MALRD1: variants seen among roughly 807,000 people sequenced by gnomAD.
MALRD1 encodes MAM and LDL-receptor class A domain-containing protein 1.
MALRD1 carries 247 observed loss-of-function variants against 242.1 expected under a neutral mutation model. The ratio of observed to expected loss-of-function variants is 1.02; its 90% CI spans 0.92 to 1.13. MALRD1 has a LOEUF of 1.13. Among genes scored for constraint, MALRD1 ranks in the 50% most tolerant of loss-of-function variants. The pLI, the probability that MALRD1 is intolerant of heterozygous loss-of-function variation, is 0.00. For missense variants in MALRD1, 2,989 were observed against 2,533.1 expected (o/e 1.18, Z -3.86); for synonymous variants, 995 against 866.6 (o/e 1.15, Z -2.60).
chr10:19,412,763 A>G (rs2130889336), intron 28 of MALRD1, among the ~76,000 whole-genome samples: 1 of 152,304 alleles, frequency 6.6e-6, no homozygotes, highest in Admixed American at 6.5e-5. Context: ...TCATCATTTC[A>G]CTACTGCTCC....
chr10:19,072,350 A>G (rs780213359), intron 2 of MALRD1, among the ~76,000 whole-genome samples: 2 of 152,322 alleles, frequency 1.3e-5, no homozygotes, highest in Non-Finnish European at 2.9e-5. Flanking sequence ...TACAAAATAC[A>G]TAAAGCATGG....
In MALRD1 at chr10:19,176,862, A is replaced by G. The variant is rs535356818; in HGVS notation, c.1951+1534A>G. Among the ~76,000 whole-genome samples the G allele has an allele frequency of 2.9e-4, 39 of 133,614 alleles. No individual in the cohort carries two copies. In the East Asian group the frequency reaches 7.1e-3, roughly 24 times the overall value. The allele number at this position is 133,614 out of a possible 152,430, so 87.7% of individuals were successfully genotyped here. A position where few individuals can be genotyped will look rare whatever the true frequency, so the allele number is the denominator to read the frequency against. On this transcript the variant is annotated intron_variant, in intron 14 of 39. Transcript: ENST00000454679. The stretch of plus-strand genomic sequence containing the variant: ...CCTGTGTGTCTGTGTGTGTGCGTGC[A>G]TGTGTGCATGTGTGTGTGTGTGTGT...
rs769031382 is a variant in MALRD1 at position 19,645,912 on chromosome 10, A to AT, written c.6137+29998dup. On this transcript the variant is annotated intron_variant, in intron 36 of 39. Coordinates refer to ENST00000454679, the MANE Select transcript of MALRD1 (RefSeq NM_001142308.3). ...AAAAGAAATGGATAGGAGTCAAATT[A>AT]TTTTTTTTTATTTTTAAATAGTAAA... Among the ~76,000 whole-genome samples, 379 of 151,772 alleles carry AT rather than the reference A, an allele frequency of 2.5e-3. 1 individual carries two copies. The highest frequency in any genetic ancestry group is 7.8e-3 in the African/African-American group (324 of 41,390).
intron 24 of MALRD1, among the ~76,000 whole-genome samples, chr10:19,340,565 G>A (rs1288558361): frequency 6.6e-6 from 1 of 151,990 alleles, no homozygotes; most frequent in Admixed American, 6.6e-5. Flanking sequence ...TATTTCATTG[G>A]CCATACAAAG....
intron 26 of MALRD1, among the ~76,000 whole-genome samples, chr10:19,383,269 G>T (rs1048460080): frequency 3.9e-5 from 6 of 151,936 alleles, no homozygotes; most frequent in African/African-American, 7.2e-5. Flanking sequence ...TGTCCTCAAA[G>T]TTTCACTCCC....
In MALRD1 at chr10:19,719,235, T is replaced by TAC. The variant is rs745328536; in HGVS notation, c.6315-11470_6315-11469insCA. 7.2e-4 allele frequency among the ~76,000 whole-genome samples: 84 copies of TAC among 116,220 alleles called. 4 individuals are homozygous for TAC. Among genetic ancestry groups the TAC allele is most frequent in the African/African-American group, 2.6e-3 (77 of 29,998 alleles). The allele number at this position is 116,220 out of a possible 152,430, so 76.2% of individuals were successfully genotyped here. On this transcript the variant is annotated intron_variant, in intron 38 of 39. Coordinates refer to ENST00000454679, the MANE Select transcript of MALRD1 (RefSeq NM_001142308.3). ...ATACACATACATACATATATATATA[T>TAC]ATATATATATATATATATATATATG...
chr10:19,470,292 T>C (rs1256753129), intron 29 of MALRD1, among the ~76,000 whole-genome samples: 1 of 152,032 alleles, frequency 6.6e-6, no homozygotes, highest in Non-Finnish European at 1.5e-5. Flanking sequence ...TTTTTCAAGG[T>C]TGAATAATAT....
chr10:19,335,805 AT>A (rs985780617), intron 24 of MALRD1, among the ~76,000 whole-genome samples: 75 of 151,060 alleles, frequency 5.0e-4, no homozygotes, highest in Middle Eastern at 3.4e-3. Context: ...TGGAGAAAAA[AT>A]TTTTTTTTAT....
At chr10:19,162,246 T>C (rs1834462343) in intron 12 of MALRD1, among the ~76,000 whole-genome samples, 1 of 152,218 alleles carries the variant, frequency 6.6e-6, no homozygotes, top group Non-Finnish European at 1.5e-5. Context: ...TAATGCCTTA[T>C]ACATTTTTTT....
intron 38 of MALRD1, among the ~76,000 whole-genome samples, chr10:19,714,440 C>A (rs555453101): frequency 6.6e-6 from 1 of 152,072 alleles, no homozygotes; most frequent in African/African-American, 2.4e-5. Context: ...TTCCTCTCGA[C>A]GTCCAGCTGC....
At chr10:19,712,254 C>T (rs1268695069) in intron 38 of MALRD1, among the ~76,000 whole-genome samples, 2 of 152,096 alleles carry the variant, frequency 1.3e-5, no homozygotes, top group Admixed American at 6.6e-5. Context: ...AGAGAAAGAT[C>T]ACTTTTAAGA....
At chr10:19,440,988 G>C (rs59959415) in intron 28 of MALRD1, among the ~76,000 whole-genome samples, 8,451 of 150,470 alleles carry the variant, frequency 0.056, 809 homozygotes, top group African/African-American at 0.2. Context: ...TTTTTCTCTA[G>C]ATCCTCTCCA....
At chr10:19,634,670 C>T (rs961909078) in intron 36 of MALRD1, among the ~76,000 whole-genome samples, 3 of 152,086 alleles carry the variant, frequency 2.0e-5, no homozygotes, top group Admixed American at 6.6e-5. Flanking sequence ...CACTCTTTTC[C>T]GTAATACTCA....
intron 14 of MALRD1, among the ~76,000 whole-genome samples, chr10:19,190,763 A>G (rs1013319365): frequency 1.3e-5 from 2 of 151,954 alleles, no homozygotes; most frequent in African/African-American, 4.8e-5. Flanking sequence ...TTGCGAAAGT[A>G]TGAAGTTGGA....
rs542442647 is a variant in MALRD1, at chr10:19,519,720, C to T, written c.5321-11474C>T. Among the ~76,000 whole-genome samples, 10 of 152,202 alleles carry T rather than the reference C, an allele frequency of 6.6e-5. 1 individual carries two copies. Among genetic ancestry groups the T allele is most frequent in the East Asian group, 3.9e-4 (2 of 5,176 alleles). The stretch of plus-strand genomic sequence containing the variant: ...TTGAAGCTGCAATGAACTGTTATCA[C>T]GCCACTGCAATGTAGCCAGGGCAAC... On this transcript the variant is annotated intron_variant, in intron 31 of 39. Transcript: ENST00000454679.
At chr10:19,642,649 A>C (rs770817415) in intron 36 of MALRD1, among the ~76,000 whole-genome samples, 9 of 152,220 alleles carry the variant, frequency 5.9e-5, no homozygotes, top group Non-Finnish European at 1.3e-4. Context: ...ATCTGAAAGC[A>C]ACAACAAAAA....
intron 29 of MALRD1, among the ~76,000 whole-genome samples, chr10:19,456,980 G>T (rs2131076260): frequency 6.6e-6 from 1 of 151,930 alleles, no homozygotes; most frequent in East Asian, 1.9e-4. Flanking sequence ...TATATTATTA[G>T]AATGATAGTG....
At chr10:19,364,512 T>A (rs1197988273) in intron 26 of MALRD1, among the ~76,000 whole-genome samples, 1 of 152,144 alleles carries the variant, frequency 6.6e-6, no homozygotes, top group Non-Finnish European at 1.5e-5. Context: ...TAAGGCAAGT[T>A]TGAAATTACA....
intron 28 of MALRD1, among the ~76,000 whole-genome samples, chr10:19,396,670 C>A (rs1327138314): frequency 6.6e-6 from 1 of 152,158 alleles, no homozygotes; most frequent in African/African-American, 2.4e-5. Context: ...TATTCTAATA[C>A]TCAGGAGTCA....
Sources: gnomAD v4.1 joint callset for allele counts (sites outside exome capture counted in the v4.1 genomes callset) on GRCh38, gnomAD v4.1.1 for gene constraint, MANE v1.5 for transcripts, NCBI Gene and HGNC (gene_info 2026-07-23, HGNC 2026-07-21) for gene names.